Variants in KIF24 observed in about 807,000 individuals in gnomAD.
The protein encoded by KIF24 is kinesin family member 24, also known as kinesin-like protein KIF24.
KIF24 carries 81 observed loss-of-function variants against 118.9 expected under a neutral mutation model. That is an observed-to-expected ratio of 0.68 (90% CI 0.57 to 0.82). The LOEUF is 0.82. Ranked by LOEUF, KIF24 falls within the 40% of genes least tolerant of loss-of-function variation. The pLI is 0.00. For missense variants in KIF24, 1,560 were observed against 1,661.6 expected, an observed-to-expected ratio of 0.94 and a Z score of 1.06; for synonymous variants, 599 against 610.0, an observed-to-expected ratio of 0.98 and a Z score of 0.27.
At chr9:34,281,177 C>G (rs956840039) in intron 6 of KIF24, among the ~76,000 whole-genome samples, 14 of 152,156 alleles carry the variant, frequency 9.2e-5, no homozygotes, top group African/African-American at 3.1e-4. Flanking sequence ...AAGCGCCCAC[C>G]ACCATACCCG....
At chr9:34,263,037 A>T (rs1377926901) in intron 9 of KIF24, 64 bp downstream of exon 9, 1 of 1,266,572 alleles carries the variant, frequency 7.9e-7, no homozygotes, top group Non-Finnish European at 1.1e-6. Flanking sequence ...TGAATGAACA[A>T]ATACATGAAA....
chr9:34,257,438 G>A lies in KIF24; in HGVS notation c.2169C>T (p.Ser723=). 1 of 1,614,062 alleles carries A rather than the reference G, an allele frequency of 6.2e-7. No homozygotes were observed. The highest frequency in any genetic ancestry group is 8.5e-7 in the Non-Finnish European group (1 of 1,179,908). Residue 723 remains serine (S), a synonymous_variant, in exon 11 of 13, where the codon TCC becomes TCT. Transcript: ENST00000402558. ...QKQLVSRVEL[S]FGNAHHRAEY... is the part of the protein sequence containing the mutation. The stretch of plus-strand genomic sequence containing the variant: ...CAGCCCTGTGGTGGGCGTTGCCAAA[G>A]GAGAGCTCAACTCGAGACACAAGCT...
chr9:34,333,530 G>A (rs953041128), upstream of KIF24, among the ~76,000 whole-genome samples: 1 of 151,278 alleles, frequency 6.6e-6, no homozygotes, highest in Non-Finnish European at 1.5e-5. Context: ...CTACCCAGGA[G>A]GCTAAGACAG....
intron 3 of KIF24, among the ~76,000 whole-genome samples, chr9:34,301,156 T>G (rs1035091333): frequency 1.3e-5 from 2 of 152,222 alleles, no homozygotes; most frequent in African/African-American, 4.8e-5. Flanking sequence ...TAACGTCCTT[T>G]GCATCACACA....
intron 10 of KIF24, 95 bp downstream of exon 10, chr9:34,259,501 A>G (rs1255640780): frequency 7.1e-6 from 6 of 845,984 alleles, no homozygotes; most frequent in Non-Finnish European, 1.2e-5. Flanking sequence ...ATGCACTTGC[A>G]CACACACACG....
At chr9:34,264,599 G>A (rs10814086) in intron 8 of KIF24, among the ~76,000 whole-genome samples, 28,855 of 151,910 alleles carry the variant, frequency 0.19, 2,996 homozygotes, top group East Asian at 0.43. Context: ...AAACAGGTGT[G>A]AGGAAATTTC....
At chr9:34,305,976 T>C (rs1271599632) in intron 3 of KIF24, among the ~76,000 whole-genome samples, 1 of 152,196 alleles carries the variant, frequency 6.6e-6, no homozygotes, top group Non-Finnish European at 1.5e-5. Flanking sequence ...ATAATTAAAT[T>C]CACACAAAGC....
intron 3 of KIF24, among the ~76,000 whole-genome samples, chr9:34,305,216 C>T (rs777670354): frequency 6.6e-6 from 1 of 152,172 alleles, no homozygotes; most frequent in Non-Finnish European, 1.5e-5. Context: ...TTCATAATCA[C>T]TCTAGCAGGC....
In KIF24 at chr9:34,259,588, T is replaced by C. The variant is rs747101201; in HGVS notation, c.1625+8A>G. ...TACACACAACCTGCCATCTGGGAGC[T>C]GACTTACCGGTCAGCATAGCGCAAG... is the stretch of plus-strand genomic sequence containing the variant. On this transcript the variant is annotated splice_region_variant and intron_variant, in intron 10 of 12. Transcript: ENST00000402558. 3 of 1,610,348 alleles carry C rather than the reference T, an allele frequency of 1.9e-6. No individual in the cohort carries two copies. The highest frequency in any genetic ancestry group is 2.5e-6 in the Non-Finnish European group (3 of 1,176,746).
intron 4 of KIF24, 27 bp downstream of exon 4, chr9:34,296,989 CA>C (rs746870527): frequency 1.6e-5 from 19 of 1,182,238 alleles, no homozygotes; most frequent in East Asian, 2.5e-5. Flanking sequence ...AAATAAAAAG[CA>C]AAAAAAGCAA....
chr9:34,275,319 G>A (rs7870025), intron 6 of KIF24, among the ~76,000 whole-genome samples: 4,109 of 151,904 alleles, frequency 0.027, 189 homozygotes, highest in African/African-American at 0.094. Context: ...GCTTGAACCC[G>A]GGAGGTGGAG....
intron 3 of KIF24, among the ~76,000 whole-genome samples, chr9:34,297,517 T>C (rs1436645998): frequency 6.6e-6 from 1 of 152,016 alleles, no homozygotes; most frequent in South Asian, 2.1e-4. Flanking sequence ...AATCCCAACA[T>C]TTTGGGAGGC....
At chr9:34,313,738 G>GTTTT (rs5897567) in intron 1 of KIF24, among the ~76,000 whole-genome samples, 12 of 130,354 alleles carry the variant, frequency 9.2e-5, no homozygotes, top group Non-Finnish European at 1.3e-4. Context: ...CCCGTTATCT[G>GTTTT]TTTTTTTTTT....
intron 1 of KIF24, among the ~76,000 whole-genome samples, chr9:34,325,719 A>C (rs932975427): frequency 5.9e-5 from 9 of 152,146 alleles, no homozygotes; most frequent in Non-Finnish European, 1.3e-4. Flanking sequence ...TAAATAAAAG[A>C]GTGATTGGAA....
chr9:34,263,133 G>A lies in KIF24; in HGVS notation c.1483C>T (p.His495Tyr), dbSNP rs750608219. The change falls in exon 9 of 13, where the codon CAT becomes TAT. Residue 495 changes from histidine to tyrosine, a missense_variant. Around this residue, in one of 3 missense-constraint regions of KIF24, gnomAD observed 964 missense variants for 988.0 expected, o/e 0.98. Transcript: ENST00000402558. The stretch of plus-strand genomic sequence containing the variant: ...AGTTTGCTTTGCCTGAAGGGAGTAT[G>A]GGTGTGTTCCTGATCCAGTGCTCGG... ...CIRALDQEHT[H>Y]TPFRQSKLTQ... 1 of 1,613,406 alleles carries A rather than the reference G, an allele frequency of 6.2e-7. No individual in the cohort carries two copies. The highest frequency in any genetic ancestry group is 8.5e-7 in the Non-Finnish European group (1 of 1,179,616).
intron 6 of KIF24, among the ~76,000 whole-genome samples, chr9:34,281,172 C>A (rs1208962823): frequency 1.3e-5 from 2 of 152,006 alleles, no homozygotes; most frequent in Non-Finnish European, 2.9e-5. Flanking sequence ...ATTACAAGCG[C>A]CCACCACCAT....
At chr9:34,329,921 C>G (rs1837842487), upstream of KIF24, among the ~76,000 whole-genome samples, 1 of 152,266 alleles carries the variant, frequency 6.6e-6, no homozygotes, top group African/African-American at 2.4e-5. Context: ...AGGCGCCGAA[C>G]CTTCCCCTCC....
chr9:34,312,918 C>T (rs543647450), intron 1 of KIF24, among the ~76,000 whole-genome samples: 7 of 152,228 alleles, frequency 4.6e-5, no homozygotes, highest in Middle Eastern at 3.4e-3. Context: ...AGGCTGGTCT[C>T]GAACTCCTGA....
chr9:34,272,694 C>A (rs1835549808), intron 6 of KIF24, among the ~76,000 whole-genome samples: 1 of 152,206 alleles, frequency 6.6e-6, no homozygotes. Context: ...ATGATCATAG[C>A]TCACTGCAGC....
Sources: allele counts gnomAD v4.1 joint callset (sites outside exome capture counted in the v4.1 genomes callset), GRCh38; gene constraint gnomAD v4.1.1; regional missense constraint gnomAD v4.1.1; transcripts MANE v1.5; gene names NCBI Gene and HGNC (gene_info 2026-07-23, HGNC 2026-07-21).